TENT5A: variants seen among roughly 807,000 people sequenced by gnomAD.
TENT5A encodes terminal nucleotidyltransferase 5A.
TENT5A carries 9 observed loss-of-function variants against 30.2 expected under a neutral mutation model. The ratio of observed to expected loss-of-function variants is 0.30; its 90% CI spans 0.18 to 0.52. The LOEUF (loss-of-function observed/expected upper bound fraction) is 0.52, where lower values mean the gene tolerates loss of function less well. TENT5A is among the 20% of genes least tolerant of loss of function. The probability of loss-of-function intolerance (pLI) is 0.97; values close to 1 mark genes in which losing one functional copy is unlikely to be tolerated. For synonymous variants in TENT5A, 264 were observed against 234.2 expected (o/e 1.13, Z -1.16); for missense variants, 411 against 566.1 (o/e 0.73, Z 2.78).
chr6:81,747,448 C>T lies in TENT5A; in HGVS notation c.*2247G>A. 1.0e-6 allele frequency: 1 copy of T among 985,808 alleles called. No individual in the cohort carries two copies. The highest frequency in any genetic ancestry group is 1.2e-6 in the Non-Finnish European group (1 of 829,912). The allele number at this position is 985,808 out of a possible 1,614,324, so 61.1% of individuals were successfully genotyped here. A position where few individuals can be genotyped will look rare whatever the true frequency, so the allele number is the denominator to read the frequency against. On this transcript the variant is annotated 3_prime_UTR_variant, in exon 3 of 3. Transcript: ENST00000320172. The stretch of plus-strand genomic sequence containing the variant: ...AGTGCAGCGGCTGTTGCAGCTCTGA[C>T]AGAATTCACAAGGAAGCTGCTACAG...
rs1769038437 is a variant in TENT5A, at chr6:81,751,740, G to T, written c.402C>A (p.Gly134=). ...AASHVLHQDS[G]LGYKDLDLIF... ...TGAGGTCCAGGTCCTTGTAGCCCAGGCCGCTGTCCTGGTGCAGGACATGGC... is the reference window on the plus strand; with the variant it reads ...TGAGGTCCAGGTCCTTGTAGCCCAGTCCGCTGTCCTGGTGCAGGACATGGC... The change falls in exon 2 of 3, where the codon GGC becomes GGA. Residue 134 remains glycine, a synonymous_variant. Coordinates refer to ENST00000320172, the MANE Select transcript of TENT5A (RefSeq NM_017633.3). 1 of 1,613,792 alleles carries T rather than the reference G, an allele frequency of 6.2e-7. No homozygotes were observed. The highest frequency in any genetic ancestry group is 8.5e-7 in the Non-Finnish European group (1 of 1,180,040).
chr6:81,751,544 CG>C, intron 2 of TENT5A, 45 bp downstream of exon 2: 1 of 1,521,470 alleles, frequency 6.6e-7, no homozygotes, highest in Non-Finnish European at 8.9e-7. Context: ...CCGTCACACC[CG>C]GCCCAGACTG....
chr6:81,747,221 T>C lies in TENT5A; in HGVS notation c.*2474A>G. The stretch of plus-strand genomic sequence containing the variant: ...CACCAGCTGCTCCTGTGTTCACAAG[T>C]GCTCCCCTAGTTTTCTTTCAGAAAA... On this transcript the variant is annotated 3_prime_UTR_variant, in exon 3 of 3. Coordinates refer to ENST00000320172, the MANE Select transcript of TENT5A (RefSeq NM_017633.3). The C allele has an allele frequency of 1.2e-5, 12 of 985,482 alleles. No individual in the cohort carries two copies. The highest frequency in any genetic ancestry group is 1.4e-5 in the Non-Finnish European group (12 of 829,910). The allele number at this position is 985,482 out of a possible 1,614,324, so 61.0% of individuals were successfully genotyped here.
At position 81,746,804 on chromosome 6, in the gene TENT5A, T is replaced by C; in HGVS notation, c.*2891A>G. ...ACACATGGCTCTCTCTCACCAGACATTCAAATTTTTAGGCCGCACATCCAC... is the reference window on the plus strand; with the variant it reads ...ACACATGGCTCTCTCTCACCAGACACTCAAATTTTTAGGCCGCACATCCAC... On this transcript the variant is annotated 3_prime_UTR_variant, in exon 3 of 3. Transcript: ENST00000320172. 34 of 1,197,348 alleles carry C rather than the reference T, an allele frequency of 2.8e-5. No homozygotes were observed. Among genetic ancestry groups the C allele is most frequent in the Non-Finnish European group, 3.4e-5 (33 of 966,480 alleles). The allele number at this position is 1,197,348 out of a possible 1,614,324, so 74.2% of individuals were successfully genotyped here.
At position 81,747,431 on chromosome 6, in the gene TENT5A, G is replaced by A. The variant is rs554017122; in HGVS notation, c.*2264C>T. 9.9e-5 allele frequency: 98 copies of A among 985,784 alleles called. No homozygotes were observed. The South Asian group carries it at 4.0e-3, about 40-fold the overall frequency. The allele number at this position is 985,784 out of a possible 1,614,324, so 61.1% of individuals were successfully genotyped here. ...TTAGAAAACTGAGTGGCAGTGCAGC[G>A]GCTGTTGCAGCTCTGACAGAATTCA... On this transcript the variant is annotated 3_prime_UTR_variant, in exon 3 of 3. Coordinates refer to ENST00000320172, the MANE Select transcript of TENT5A (RefSeq NM_017633.3).
At position 81,752,549 on chromosome 6, in the gene TENT5A, C is replaced by A; in HGVS notation, c.-156G>T. The A allele has an allele frequency of 9.3e-7, 1 of 1,075,490 alleles. No individual in the cohort carries two copies. Among genetic ancestry groups the A allele is most frequent in the South Asian group, 1.3e-5 (1 of 74,628 alleles). 66.6% of individuals were successfully genotyped at this position (1,075,490 alleles called of 1,614,324 possible). ...AAATAGCGACTTCGTCTTTCCCAGACCCCTGCCGCCTGCGCTCACCACTCC... is the reference window on the plus strand; with the variant it reads ...AAATAGCGACTTCGTCTTTCCCAGAACCCTGCCGCCTGCGCTCACCACTCC... On this transcript the variant is annotated 5_prime_UTR_variant, in exon 1 of 3. Coordinates refer to ENST00000320172, the MANE Select transcript of TENT5A (RefSeq NM_017633.3).
At position 81,752,093 on chromosome 6, in the gene TENT5A, A is replaced by T; in HGVS notation, c.49T>A (p.Cys17Ser). ...CCGCCTAGGGGGATGTAGGGGCTGC[A>T]GGCCAGCTCGTCCTCAGACATGGCG... ...YFAMSEDELA[C>S]SPYIPLGGDF... The change falls in exon 2 of 3, where the codon TGC becomes AGC. Residue 17 changes from cysteine (C) to serine (S), a missense_variant. Physicochemically the swap from Cys to Ser is moderately radical, Grantham distance 112. Transcript: ENST00000320172. 1 of 1,495,374 alleles carries T rather than the reference A, an allele frequency of 6.7e-7. No homozygotes were observed. The highest frequency in any genetic ancestry group is 8.9e-7 in the Non-Finnish European group (1 of 1,120,154). The allele number at this position is 1,495,374 out of a possible 1,614,324, so 92.6% of individuals were successfully genotyped here.
At position 81,747,384 on chromosome 6, in the gene TENT5A, A is replaced by C; in HGVS notation, c.*2311T>G. ...GGCTTAAGTGAGGGAGACTGAGCCAAGATGGTAGTAGGAGGAGTTCCTTAG... is the reference window on the plus strand; with the variant it reads ...GGCTTAAGTGAGGGAGACTGAGCCACGATGGTAGTAGGAGGAGTTCCTTAG... On this transcript the variant is annotated 3_prime_UTR_variant, in exon 3 of 3. Coordinates refer to ENST00000320172, the MANE Select transcript of TENT5A (RefSeq NM_017633.3). The C allele has an allele frequency of 3.0e-6, 3 of 985,888 alleles. No homozygotes were observed. The South Asian group carries it at 1.4e-4, about 46-fold the overall frequency. The allele number at this position is 985,888 out of a possible 1,614,324, so 61.1% of individuals were successfully genotyped here. A position where few individuals can be genotyped will look rare whatever the true frequency, so the allele number is the denominator to read the frequency against.
In TENT5A at chr6:81,746,457, G is replaced by A. The variant is rs1768886519; in HGVS notation, c.*3238C>T. 1 of 1,231,828 alleles carries A rather than the reference G, an allele frequency of 8.1e-7. No individual in the cohort carries two copies. Among genetic ancestry groups the A allele is most frequent in the African/African-American group, 1.6e-5 (1 of 64,504 alleles). 76.3% of individuals were successfully genotyped at this position (1,231,828 alleles called of 1,614,324 possible). ...GGATTACACATATTCTTCCATCCTT[G>A]CATTTTTGGAGCTACATTATTAGTC... On this transcript the variant is annotated 3_prime_UTR_variant, in exon 3 of 3. Transcript: ENST00000320172.
rs1371830817 is a variant in TENT5A at position 81,748,905 on chromosome 6, T to C, written c.*790A>G. On this transcript the variant is annotated 3_prime_UTR_variant, in exon 3 of 3. Transcript: ENST00000320172. Reference sequence around the variant, plus strand: ...GATGTATATTGGTGTGTAACAAATATAATCTCTCTTCATATAGTCTACTAT... The same window carrying C: ...GATGTATATTGGTGTGTAACAAATACAATCTCTCTTCATATAGTCTACTAT... 2.0e-6 allele frequency: 2 copies of C among 985,270 alleles called. No individual in the cohort carries two copies. The highest frequency in any genetic ancestry group is 3.5e-5 in the African/African-American group (2 of 57,226). The allele number at this position is 985,270 out of a possible 1,614,324, so 61.0% of individuals were successfully genotyped here. A position where few individuals can be genotyped will look rare whatever the true frequency, so the allele number is the denominator to read the frequency against.
chr6:81,746,744 T>G lies in TENT5A; in HGVS notation c.*2951A>C. 4 of 1,221,354 alleles carry G rather than the reference T, an allele frequency of 3.3e-6. No homozygotes were observed. Among genetic ancestry groups the G allele is most frequent in the Non-Finnish European group, 4.1e-6 (4 of 981,692 alleles). 75.7% of individuals were successfully genotyped at this position (1,221,354 alleles called of 1,614,324 possible). On this transcript the variant is annotated 3_prime_UTR_variant, in exon 3 of 3. Transcript: ENST00000320172. ...AAAGGAAACAAATCACAGGCGCTAA[T>G]AGGGAGTCGGGAGCTGTTCTTTTCT...
chr6:81,752,046 G>T lies in TENT5A; in HGVS notation c.96C>A (p.Phe32Leu). ...PLGGDFGGGD[F>L]GGGDFGGGDF... Reference sequence around the variant, plus strand: ...CGCCGCCGCCGAAGTCGCCGCCGCCGAAGTCGCCGCCGCCGAAGTCGCCGC... The same window carrying T: ...CGCCGCCGCCGAAGTCGCCGCCGCCTAAGTCGCCGCCGCCGAAGTCGCCGC... Residue 32 changes from phenylalanine to leucine, a missense_variant, in exon 2 of 3, where the codon TTC becomes TTA. Coordinates refer to ENST00000320172, the MANE Select transcript of TENT5A (RefSeq NM_017633.3). 1 of 1,602,326 alleles carries T rather than the reference G, an allele frequency of 6.2e-7. No individual in the cohort carries two copies.
At position 81,747,601 on chromosome 6, in the gene TENT5A, C is replaced by T; in HGVS notation, c.*2094G>A. ...TAGATAAACAAACAAACAAATTATACTGCCAACAGGAGGATATTTTTTTCT... is the reference window on the plus strand; with the variant it reads ...TAGATAAACAAACAAACAAATTATATTGCCAACAGGAGGATATTTTTTTCT... On this transcript the variant is annotated 3_prime_UTR_variant, in exon 3 of 3. Coordinates refer to ENST00000320172, the MANE Select transcript of TENT5A (RefSeq NM_017633.3). 1.0e-6 allele frequency: 1 copy of T among 985,570 alleles called. No homozygotes were observed. 61.1% of individuals were successfully genotyped at this position (985,570 alleles called of 1,614,324 possible). A position where few individuals can be genotyped will look rare whatever the true frequency, so the allele number is the denominator to read the frequency against.
In TENT5A at chr6:81,751,579, G is replaced by A. The variant is rs75207242; in HGVS notation, c.552+11C>T. On this transcript the variant is annotated intron_variant, in intron 2 of 2. Coordinates refer to ENST00000320172, the MANE Select transcript of TENT5A (RefSeq NM_017633.3). ...TGGGTCAGGACCCAAGTGCATCTCG[G>A]GTGGTGTTACCTTGAGCGTGAGTGG... The A allele has an allele frequency of 6.2e-3, 9,816 of 1,592,002 alleles. 56 individuals are homozygous for A. Among genetic ancestry groups the A allele is most frequent in the Non-Finnish European group, 6.5e-3 (7,638 of 1,167,902 alleles).
At position 81,750,183 on chromosome 6, in the gene TENT5A, C is replaced by T; in HGVS notation, c.841G>A (p.Ala281Thr). 6.2e-7 allele frequency: 1 copy of T among 1,614,078 alleles called. No homozygotes were observed. The highest frequency in any genetic ancestry group is 1.1e-5 in the South Asian group (1 of 91,076). Reference sequence around the variant, plus strand: ...CGGATTTCCTCTGGGTTCCTGGTGGCAATGATCTTGTTACAAAGGTGATCA... The same window carrying T: ...CGGATTTCCTCTGGGTTCCTGGTGGTAATGATCTTGTTACAAAGGTGATCA... Reference protein sequence around the residue: ...AFDHLCNKIIATRNPEEIRGG... With the variant: ...AFDHLCNKIITTRNPEEIRGG... The change falls in exon 3 of 3, where the codon GCC becomes ACC. Residue 281 changes from alanine to threonine, a missense_variant. Physicochemically the swap from Ala to Thr is moderately conservative, Grantham distance 58. Transcript: ENST00000320172. The surrounding 1 kb of genome is among the most constrained non-coding windows in gnomAD (Gnocchi z 4.2).
Position 81,752,454 on chromosome 6 carries a change from G to C in TENT5A, c.-61C>G. 1 of 1,549,870 alleles carries C rather than the reference G, an allele frequency of 6.5e-7. No homozygotes were observed. Among genetic ancestry groups the C allele is most frequent in the Non-Finnish European group, 8.7e-7 (1 of 1,146,682 alleles). On this transcript the variant is annotated 5_prime_UTR_variant, in exon 1 of 3. Transcript: ENST00000320172. The stretch of plus-strand genomic sequence containing the variant: ...ACCTGGAGGCGGCCGCCCCTTCTAG[G>C]AGCGCAGCGAGCGAGAGCGAAACCG...
rs1768935298 is a variant in TENT5A, at chr6:81,748,663, ATAT to A, written c.*1029_*1031del. The A allele has an allele frequency of 1.1e-6, 1 of 922,240 alleles. No individual in the cohort carries two copies. The highest frequency in any genetic ancestry group is 1.3e-6 in the Non-Finnish European group (1 of 772,450). 57.1% of individuals were successfully genotyped at this position (922,240 alleles called of 1,614,324 possible). A position where few individuals can be genotyped will look rare whatever the true frequency, so the allele number is the denominator to read the frequency against. On this transcript the variant is annotated 3_prime_UTR_variant, in exon 3 of 3. Transcript: ENST00000320172. ...ATAAAATGTATATATACACACACAC[ATAT>A]AATTTATACACACATACACATGTAC...
rs578170836 is a variant in TENT5A at position 81,752,251 on chromosome 6, G to A, written c.-37-73C>T. 1.1e-4 allele frequency: 157 copies of A among 1,476,724 alleles called. No individual in the cohort carries two copies. The South Asian group carries it at 2.0e-3, about 19-fold the overall frequency. 91.5% of individuals were successfully genotyped at this position (1,476,724 alleles called of 1,614,324 possible). On this transcript the variant is annotated intron_variant, in intron 1 of 2. Coordinates refer to ENST00000320172, the MANE Select transcript of TENT5A (RefSeq NM_017633.3). Reference sequence around the variant, plus strand: ...AGCACGCGCGGCGGCGGAGAGCAGAGGCCCGCCAGGAAAAGAGCGCCCCCT... The same window carrying A: ...AGCACGCGCGGCGGCGGAGAGCAGAAGCCCGCCAGGAAAAGAGCGCCCCCT...
chr6:81,748,074 A>G lies in TENT5A; in HGVS notation c.*1621T>C, dbSNP rs1768922455. On this transcript the variant is annotated 3_prime_UTR_variant, in exon 3 of 3. Coordinates refer to ENST00000320172, the MANE Select transcript of TENT5A (RefSeq NM_017633.3). Reference sequence around the variant, plus strand: ...ATATCTCATATATAAATTTTAAGCAATTGTGCAAATATTCTGTAAAAAGGG... The same window carrying G: ...ATATCTCATATATAAATTTTAAGCAGTTGTGCAAATATTCTGTAAAAAGGG... 2.0e-6 allele frequency: 2 copies of G among 980,470 alleles called. No individual in the cohort carries two copies. Among genetic ancestry groups the G allele is most frequent in the South Asian group, 9.4e-5 (2 of 21,182 alleles). The allele number at this position is 980,470 out of a possible 1,614,324, so 60.7% of individuals were successfully genotyped here.
Sources: allele counts gnomAD v4.1 joint callset, GRCh38; gene constraint gnomAD v4.1.1; non-coding constraint Gnocchi (gnomAD v3.1); transcripts MANE v1.5; gene names NCBI Gene and HGNC (gene_info 2026-07-23, HGNC 2026-07-21).